MAGI3: variants seen among roughly 807,000 people sequenced by gnomAD.
The protein encoded by MAGI3 is membrane-associated guanylate kinase, WW and PDZ domain-containing protein 3.
In MAGI3, 43 loss-of-function variants were observed where a neutral mutation model predicts 121.8. The observed-to-expected ratio is 0.35, with a 90% CI of 0.28 to 0.46. MAGI3 has a LOEUF of 0.46. MAGI3 is among the 20% of genes least tolerant of loss of function. The pLI, the probability that MAGI3 is intolerant of heterozygous loss-of-function variation, is 1.00. For missense variants in MAGI3, 1,547 were observed against 1,797.3 expected (o/e 0.86, Z 2.52); for synonymous variants, 553 against 639.3 (o/e 0.86, Z 2.04).
chr1:113,404,441 G>C (rs185000937), intron 1 of MAGI3: 1 of 152,046 alleles, frequency 6.6e-6, no homozygotes, highest in African/African-American at 2.4e-5. Flanking sequence ...TAAAAACAAA[G>C]ATAAATACTC....
At chr1:113,484,644 T>C (rs1656265121) in intron 1 of MAGI3, among the ~76,000 whole-genome samples, 2 of 66,194 alleles carry the variant, frequency 3.0e-5, no homozygotes, top group Non-Finnish European at 5.9e-5. Context: ...CTCCCTTCCC[T>C]TCCCTCCCCT....
At position 113,390,995 on chromosome 1, in the gene MAGI3, C is replaced by A; in HGVS notation, c.-39C>A. ...CGGGGCCGGAGCGGCGCCCCGGCCGCCCGCGCGGGGTCTCCCCCATGGTGC... is the reference window on the plus strand; with the variant it reads ...CGGGGCCGGAGCGGCGCCCCGGCCGACCGCGCGGGGTCTCCCCCATGGTGC... On this transcript the variant is annotated 5_prime_UTR_variant, in exon 1 of 21. Coordinates refer to ENST00000307546, the MANE Select transcript of MAGI3 (RefSeq NM_001142782.2). The A allele has an allele frequency of 6.7e-7, 1 of 1,494,514 alleles. No individual in the cohort carries two copies. The highest frequency in any genetic ancestry group is 2.8e-5 in the East Asian group (1 of 35,522). 92.6% of individuals were successfully genotyped at this position (1,494,514 alleles called of 1,614,324 possible).
rs190978159 is a variant in MAGI3 at position 113,546,069 on chromosome 1, A to T, written c.317-3446A>T. 7.8e-3 allele frequency among the ~76,000 whole-genome samples: 1,192 copies of T among 152,234 alleles called. 5 individuals carry two copies. Among genetic ancestry groups the T allele is most frequent in the Non-Finnish European group, 0.01 (698 of 68,008 alleles). On this transcript the variant is annotated intron_variant, in intron 1 of 20. Coordinates refer to ENST00000307546, the MANE Select transcript of MAGI3 (RefSeq NM_001142782.2). ...TGTTCAAGATATTTACATATTTTTT[A>T]AAAAAATACAAATTCCCTGGAATCA...
intron 3 of MAGI3, chr1:113,580,894 A>C: frequency 3.7e-6 from 1 of 271,268 alleles, no homozygotes; most frequent in Middle Eastern, 1.2e-3. Flanking sequence ...CAGTATACTA[A>C]AAATCAGCCA....
chr1:113,671,807 G>A lies in MAGI3; in HGVS notation c.2889G>A (p.Gln963=). The A allele has an allele frequency of 6.2e-7, 1 of 1,614,246 alleles. No homozygotes were observed. The highest frequency in any genetic ancestry group is 1.3e-5 in the African/African-American group (1 of 75,070). The part of the protein sequence containing the change: ...SPALQHRPMG[Q]SQANHIPGDR... ...CCCTGCAGCACAGGCCCATGGGACA[G>A]TCACAGGCCAACCACATACCTGGGG... The change falls in exon 17 of 21, where the codon CAG becomes CAA. Residue 963 remains glutamine, a synonymous_variant. Coordinates refer to ENST00000307546, the MANE Select transcript of MAGI3 (RefSeq NM_001142782.2).
chr1:113,414,638 T>G lies in MAGI3; in HGVS notation c.316+23289T>G, dbSNP rs191679161. Among the ~76,000 whole-genome samples the G allele has an allele frequency of 1.8e-3, 278 of 152,306 alleles. 1 individual carries two copies. The highest frequency in any genetic ancestry group is 6.8e-3 in the Middle Eastern group (2 of 294). ...TGTCCAGGAATTTATCTATTTTTTC[T>G]AGATTTTCTAGTTTATTTGCGTACA... On this transcript the variant is annotated intron_variant, in intron 1 of 20. Coordinates refer to ENST00000307546, the MANE Select transcript of MAGI3 (RefSeq NM_001142782.2).
chr1:113,471,942 T>C (rs1655555227), intron 1 of MAGI3, among the ~76,000 whole-genome samples: 1 of 152,216 alleles, frequency 6.6e-6, no homozygotes, highest in Admixed American at 6.5e-5. Context: ...AATATTTAGA[T>C]GTTCTGGTCC....
intron 2 of MAGI3, among the ~76,000 whole-genome samples, chr1:113,572,931 G>C (rs1485473614): frequency 6.6e-6 from 1 of 150,912 alleles, no homozygotes; most frequent in African/African-American, 2.4e-5. Flanking sequence ...TGTTCTGCTA[G>C]CTTTTTTTTT....
intron 1 of MAGI3, among the ~76,000 whole-genome samples, chr1:113,514,144 T>C (rs1215472228): frequency 3.3e-5 from 5 of 152,152 alleles, no homozygotes; most frequent in Non-Finnish European, 5.9e-5. Flanking sequence ...GGAGAGGATG[T>C]GGAGAAATAG....
Position 113,437,870 on chromosome 1 carries a change from T to TTCTTCTTCTTCTTCTTCTTCTTCTTCC in MAGI3, c.316+46530_316+46531insTCTTCTTCTTCTTCTTCCTCTTCTTCT, listed in dbSNP as rs1557757143. The stretch of plus-strand genomic sequence containing the variant: ...CTTCTTCTTCTTCTTCTTCCTCTTC[T>TTCTTCTTCTTCTTCTTCTTCTTCTTCC]TCTTCTTCTCCTTCTCCTTCTCCTT... On this transcript the variant is annotated intron_variant, in intron 1 of 20. Transcript: ENST00000307546. Among the ~76,000 whole-genome samples the TTCTTCTTCTTCTTCTTCTTCTTCTTCC allele has an allele frequency of 9.2e-4, 17 of 18,500 alleles. No homozygotes were observed. The East Asian group carries it at 9.9e-3, about 11-fold the overall frequency. 12.1% of individuals were successfully genotyped at this position (18,500 alleles called of 152,430 possible).
At chr1:113,681,652 T>G (rs1246227276) in intron 20 of MAGI3, among the ~76,000 whole-genome samples, 1 of 152,254 alleles carries the variant, frequency 6.6e-6, no homozygotes, top group Non-Finnish European at 1.5e-5. Flanking sequence ...AAAAATGTTT[T>G]AAATCTCTTC....
chr1:113,510,958 A>G (rs113506780), intron 1 of MAGI3, among the ~76,000 whole-genome samples: 3 of 152,314 alleles, frequency 2.0e-5, no homozygotes, highest in South Asian at 2.1e-4. Flanking sequence ...TAACATTAAT[A>G]CATTACATTA....
chr1:113,632,610 T>G (rs1223829812), intron 9 of MAGI3, among the ~76,000 whole-genome samples: 11 of 152,246 alleles, frequency 7.2e-5, no homozygotes, highest in Non-Finnish European at 1.5e-5. Flanking sequence ...ATAGTCTTAC[T>G]AATGTCAAAT....
At chr1:113,556,153 A>G (rs1659984374) in intron 2 of MAGI3, among the ~76,000 whole-genome samples, 1 of 152,148 alleles carries the variant, frequency 6.6e-6, no homozygotes, top group African/African-American at 2.4e-5. Context: ...CTAAAATTCT[A>G]CCTTGAGAAT....
intron 1 of MAGI3, among the ~76,000 whole-genome samples, chr1:113,451,312 A>T (rs998854630): frequency 6.6e-6 from 1 of 152,162 alleles, no homozygotes; most frequent in African/African-American, 2.4e-5. Context: ...GAGTATACAG[A>T]TAGTTGACTA....
At chr1:113,648,414 C>CT (rs566094328) in intron 12 of MAGI3, among the ~76,000 whole-genome samples, 2,047 of 135,926 alleles carry the variant, frequency 0.015, 47 homozygotes, top group African/African-American at 0.047. Flanking sequence ...ACTTAATATT[C>CT]TTTTTTTTTT....
intron 2 of MAGI3, among the ~76,000 whole-genome samples, chr1:113,564,824 G>T (rs1282874558): frequency 1.3e-5 from 2 of 151,826 alleles, no homozygotes; most frequent in South Asian, 2.1e-4. Context: ...TAAAATTGTA[G>T]TTATTTATTT....
At chr1:113,437,884 C>CTTCTTCT (rs1553185168) in intron 1 of MAGI3, among the ~76,000 whole-genome samples, 1 of 4,658 alleles carries the variant, frequency 2.1e-4, no homozygotes, top group Non-Finnish European at 4.0e-4. Context: ...TCTTCTCCTT[C>CTTCTTCT]TCCTTCTCCT....
intron 1 of MAGI3, among the ~76,000 whole-genome samples, chr1:113,481,793 C>G (rs538256398): frequency 6.6e-6 from 1 of 152,248 alleles, no homozygotes; most frequent in African/African-American, 2.4e-5. Flanking sequence ...TTGAACAACA[C>G]AAATTTCTTA....
Sources: gnomAD v4.1 joint callset for allele counts (sites outside exome capture counted in the v4.1 genomes callset) on GRCh38, gnomAD v4.1.1 for gene constraint, MANE v1.5 for transcripts, NCBI Gene and HGNC (gene_info 2026-07-23, HGNC 2026-07-21) for gene names.